Variants in USP25 observed in about 807,000 individuals in gnomAD.
USP25 encodes the protein ubiquitin specific peptidase 25.
A neutral mutation model predicts 158.5 loss-of-function variants in USP25; 85 were observed. The ratio of observed to expected loss-of-function variants is 0.54; its 90% CI spans 0.45 to 0.64. The LOEUF (loss-of-function observed/expected upper bound fraction) is 0.64. Among genes scored for constraint, USP25 ranks in the 30% least tolerant of loss-of-function variants. The pLI is 0.00. For missense variants in USP25, 1,242 were observed against 1,327.3 expected, an observed-to-expected ratio of 0.94 and a Z score of 1.00; for synonymous variants, 464 against 460.4, an observed-to-expected ratio of 1.01 and a Z score of -0.10.
chr21:15,750,214 GTTTTTT>G (rs35867462), intron 1 of USP25, among the ~76,000 whole-genome samples: 10 of 65,634 alleles, frequency 1.5e-4, no homozygotes, highest in Non-Finnish European at 3.0e-4. Context: ...GTGTGTGTAT[GTTTTTT>G]TTTTTTTTTT....
chr21:15,730,563 G>T (rs970389413), intron 1 of USP25, 125 bp downstream of exon 1: 106 of 1,129,202 alleles, frequency 9.4e-5, no homozygotes, highest in Non-Finnish European at 1.1e-4. Context: ...GGTCACCCCC[G>T]GCCCCTGCCC....
At chr21:15,777,395 T>A (rs1372759170) in intron 3 of USP25, among the ~76,000 whole-genome samples, 1 of 151,244 alleles carries the variant, frequency 6.6e-6, no homozygotes, top group East Asian at 1.9e-4. Flanking sequence ...TCTTTCAGAA[T>A]TTAAAAAATG....
At chr21:15,783,846 G>C (rs200791622) in intron 4 of USP25, among the ~76,000 whole-genome samples, 18 of 151,636 alleles carry the variant, frequency 1.2e-4, no homozygotes, top group African/African-American at 4.4e-4. Flanking sequence ...GGTGGGTGCC[G>C]GTAGTCTCAG....
rs2040213424 is a variant in USP25 at position 15,879,430 on chromosome 21, A to T, written c.*955A>T. 1 of 152,524 alleles carries T rather than the reference A, an allele frequency of 6.6e-6. No individual in the cohort carries two copies. The highest frequency in any genetic ancestry group is 2.1e-4 in the South Asian group (1 of 4,834). 9.4% of individuals were successfully genotyped at this position (152,524 alleles called of 1,614,324 possible). On this transcript the variant is annotated 3_prime_UTR_variant, in exon 26 of 26. Transcript: ENST00000400183. ...TTTTTGTAAATTGTATATCACTTTAATTGAAAATGTTCTCTACTAATTAAT... is the reference window on the plus strand; with the variant it reads ...TTTTTGTAAATTGTATATCACTTTATTTGAAAATGTTCTCTACTAATTAAT...
At chr21:15,841,325 A>G (rs1431116708) in intron 17 of USP25, among the ~76,000 whole-genome samples, 1 of 152,040 alleles carries the variant, frequency 6.6e-6, no homozygotes, top group East Asian at 1.9e-4. Flanking sequence ...ACTGCCTTCT[A>G]TTACCTTCAC....
chr21:15,827,804 G>A (rs906678016), intron 14 of USP25, among the ~76,000 whole-genome samples: 21 of 146,936 alleles, frequency 1.4e-4, no homozygotes, highest in Admixed American at 1.2e-3. Context: ...GTGTGTGTGT[G>A]TCAAGTTGCC....
chr21:15,792,212 TTAA>T (rs1260637089), intron 5 of USP25, among the ~76,000 whole-genome samples: 2 of 151,418 alleles, frequency 1.3e-5, no homozygotes, highest in Non-Finnish European at 3.0e-5. Flanking sequence ...AAGAAATCCC[TTAA>T]TGATACATTT....
At chr21:15,758,755 A>G (rs1411243560) in intron 1 of USP25, among the ~76,000 whole-genome samples, 2 of 151,954 alleles carry the variant, frequency 1.3e-5, no homozygotes, top group African/African-American at 2.4e-5. Context: ...TGCATCTTAC[A>G]TGGTGGCAGG....
At chr21:15,779,414 G>A (rs979609724) in intron 4 of USP25, among the ~76,000 whole-genome samples, 2 of 151,444 alleles carry the variant, frequency 1.3e-5, no homozygotes, top group Non-Finnish European at 3.0e-5. Context: ...ATGTGAAAAG[G>A]GTTATAAAAA....
At chr21:15,756,363 G>A (rs1346202612) in intron 1 of USP25, among the ~76,000 whole-genome samples, 1 of 152,122 alleles carries the variant, frequency 6.6e-6, no homozygotes, top group African/African-American at 2.4e-5. Flanking sequence ...AATTGCTTTT[G>A]TTCAGAGCAC....
At chr21:15,871,895 G>A (rs985016886) in intron 23 of USP25, among the ~76,000 whole-genome samples, 1 of 151,592 alleles carries the variant, frequency 6.6e-6, no homozygotes, top group Non-Finnish European at 1.5e-5. Context: ...GGAGGCTGAG[G>A]CAGGAGAATC....
chr21:15,831,397 T>C lies in USP25; in HGVS notation c.1765-4T>C, dbSNP rs770381714. The C allele has an allele frequency of 8.7e-6, 14 of 1,613,620 alleles. No homozygotes were observed. Among genetic ancestry groups the C allele is most frequent in the Non-Finnish European group, 1.2e-5 (14 of 1,179,672 alleles). On this transcript the variant is annotated splice_region_variant and splice_polypyrimidine_tract_variant and intron_variant, in intron 15 of 25. Transcript: ENST00000400183. ...AGTTTAACTCTTCTTTTTTTCACATTTAGGTTCCTTATCGATTACATGCCG... is the reference window on the plus strand; with the variant it reads ...AGTTTAACTCTTCTTTTTTTCACATCTAGGTTCCTTATCGATTACATGCCG...
At chr21:15,781,433 C>G (rs1313955207) in intron 4 of USP25, among the ~76,000 whole-genome samples, 1 of 152,130 alleles carries the variant, frequency 6.6e-6, no homozygotes, top group Admixed American at 6.5e-5. Flanking sequence ...GAGCACTCAT[C>G]CATCACAATG....
intron 21 of USP25, among the ~76,000 whole-genome samples, chr21:15,865,591 G>A (rs908943673): frequency 3.3e-5 from 5 of 152,160 alleles, no homozygotes; most frequent in African/African-American, 1.2e-4. Flanking sequence ...CAGAAACAGG[G>A]TTGTTGTGAC....
intron 3 of USP25, among the ~76,000 whole-genome samples, chr21:15,772,707 C>G (rs1024738812): frequency 3.3e-5 from 5 of 152,174 alleles, no homozygotes; most frequent in Admixed American, 2.6e-4. Context: ...ATGTTTTACA[C>G]AAATCATTAT....
chr21:15,775,864 TG>T (rs1161056693), intron 3 of USP25, among the ~76,000 whole-genome samples: 1 of 151,146 alleles, frequency 6.6e-6, no homozygotes, highest in African/African-American at 2.4e-5. Flanking sequence ...ATAGTTTTTC[TG>T]TTTTTTTTTA....
At chr21:15,787,223 G>C (rs2035328212) in intron 4 of USP25, among the ~76,000 whole-genome samples, 1 of 152,064 alleles carries the variant, frequency 6.6e-6, no homozygotes, top group African/African-American at 2.4e-5. Flanking sequence ...AAAAATTCCA[G>C]TGACCCTTCA....
chr21:15,784,465 G>T (rs2123554953), intron 4 of USP25, among the ~76,000 whole-genome samples: 1 of 152,124 alleles, frequency 6.6e-6, no homozygotes, highest in Non-Finnish European at 1.5e-5. Flanking sequence ...CAAGCTACTC[G>T]GGTGGCTGAG....
chr21:15,735,970 GTGTGTGTGTGTA>G (rs939995997), intron 1 of USP25, among the ~76,000 whole-genome samples: 5 of 146,538 alleles, frequency 3.4e-5, no homozygotes, highest in Admixed American at 2.0e-4. Context: ...AAATCTGTGT[GTGTGTGTGTGTA>G]TGTGTGTGTG....
Sources: allele counts gnomAD v4.1 joint callset (sites outside exome capture counted in the v4.1 genomes callset), GRCh38; gene constraint gnomAD v4.1.1; transcripts MANE v1.5; gene names NCBI Gene and HGNC (gene_info 2026-07-23, HGNC 2026-07-21).